Variants in UNC5D observed in about 807,000 individuals in gnomAD.
The protein encoded by UNC5D is unc-5 netrin receptor D, also known as netrin receptor UNC5D.
In UNC5D, 39 loss-of-function variants were observed where a neutral mutation model predicts 105.4. The observed-to-expected ratio is 0.37, with a 90% CI of 0.29 to 0.48. UNC5D has a LOEUF of 0.48. Among genes scored for constraint, UNC5D ranks in the 20% least tolerant of loss-of-function variants. The pLI, the probability that UNC5D is intolerant of heterozygous loss-of-function variation, is 0.98. For missense variants in UNC5D, 991 were observed against 1,202.4 expected, an observed-to-expected ratio of 0.82 and a Z score of 2.60; for synonymous variants, 452 against 450.4, an observed-to-expected ratio of 1.00 and a Z score of -0.04.
intron 11 of UNC5D, among the ~76,000 whole-genome samples, chr8:35,739,399 G>C (rs987263781): frequency 2.0e-5 from 3 of 152,094 alleles, no homozygotes; most frequent in African/African-American, 7.2e-5. Flanking sequence ...TTTTTGGAAA[G>C]AAGCATTTCT....
At chr8:35,309,185 TG>T (rs1457181207) in intron 1 of UNC5D, among the ~76,000 whole-genome samples, 3 of 152,150 alleles carry the variant, frequency 2.0e-5, no homozygotes, top group Non-Finnish European at 4.4e-5. Context: ...CACCAAGCAA[TG>T]ATGATGCCTA....
chr8:35,621,113 C>T (rs1205515328), intron 4 of UNC5D, among the ~76,000 whole-genome samples: 1 of 152,204 alleles, frequency 6.6e-6, no homozygotes, highest in Non-Finnish European at 1.5e-5. Flanking sequence ...GCAGGCATTG[C>T]CAAATGTTAT....
intron 1 of UNC5D, among the ~76,000 whole-genome samples, chr8:35,357,129 T>C (rs1585658012): frequency 6.6e-6 from 1 of 152,160 alleles, no homozygotes; most frequent in East Asian, 1.9e-4. Context: ...TTGATTTCCC[T>C]GTTAACCAGT....
At chr8:35,706,868 A>G (rs1827615846) in intron 8 of UNC5D, among the ~76,000 whole-genome samples, 1 of 152,140 alleles carries the variant, frequency 6.6e-6, no homozygotes, top group East Asian at 1.9e-4. Context: ...CTAAGAATCT[A>G]TGTGTTAATA....
chr8:35,389,311 C>T (rs1009016865), intron 1 of UNC5D, among the ~76,000 whole-genome samples: 5 of 152,104 alleles, frequency 3.3e-5, no homozygotes, highest in African/African-American at 1.2e-4. Flanking sequence ...GGTCATTGCA[C>T]TCATATTTTA....
chr8:35,639,425 G>A (rs1822573800), intron 4 of UNC5D, among the ~76,000 whole-genome samples: 1 of 152,170 alleles, frequency 6.6e-6, no homozygotes, highest in African/African-American at 2.4e-5. Flanking sequence ...AGTAATCATA[G>A]CATATTGCTT....
At chr8:35,746,190 G>A (rs1829998212) in intron 11 of UNC5D, among the ~76,000 whole-genome samples, 1 of 152,178 alleles carries the variant, frequency 6.6e-6, no homozygotes, top group African/African-American at 2.4e-5. Flanking sequence ...GCAAGAGCCT[G>A]TGAGTGAGAA....
chr8:35,654,991 A>G (rs2131199649), intron 4 of UNC5D, among the ~76,000 whole-genome samples: 1 of 152,296 alleles, frequency 6.6e-6, no homozygotes, highest in East Asian at 1.9e-4. Flanking sequence ...GACAGATGAA[A>G]CTACAGAATG....
chr8:35,630,097 G>A (rs879917907), intron 4 of UNC5D, among the ~76,000 whole-genome samples: 7 of 152,156 alleles, frequency 4.6e-5, no homozygotes, highest in Non-Finnish European at 7.3e-5. Context: ...TGTCTGGACT[G>A]AAATTACTTA....
At chr8:35,249,866 G>T (rs1803572782) in intron 1 of UNC5D, among the ~76,000 whole-genome samples, 1 of 151,882 alleles carries the variant, frequency 6.6e-6, no homozygotes, top group African/African-American at 2.4e-5. Context: ...GAAGTGTCTT[G>T]CTGCTAGAAA....
chr8:35,447,650 C>T (rs553016074), intron 1 of UNC5D, among the ~76,000 whole-genome samples: 4 of 152,148 alleles, frequency 2.6e-5, no homozygotes, highest in South Asian at 2.1e-4. Context: ...ATTGTGTCCC[C>T]GCATATCCCA....
Position 35,792,954 on chromosome 8 carries a change from G to T in UNC5D, c.*2391G>T. 1 of 451,854 alleles carries T rather than the reference G, an allele frequency of 2.2e-6. No individual in the cohort carries two copies. The highest frequency in any genetic ancestry group is 4.4e-6 in the Non-Finnish European group (1 of 225,754). The allele number at this position is 451,854 out of a possible 1,614,324, so 28.0% of individuals were successfully genotyped here. A position where few individuals can be genotyped will look rare whatever the true frequency, so the allele number is the denominator to read the frequency against. ...TATTGTCAATCCCTGAATGTCTGGA[G>T]TTACCTCCCATGGATTTTTTTTTCC... On this transcript the variant is annotated 3_prime_UTR_variant, in exon 17 of 17. Coordinates refer to ENST00000404895, the MANE Select transcript of UNC5D (RefSeq NM_080872.4).
At chr8:35,681,590 A>C (rs888809756) in intron 4 of UNC5D, among the ~76,000 whole-genome samples, 1 of 152,238 alleles carries the variant, frequency 6.6e-6, no homozygotes, top group African/African-American at 2.4e-5. Context: ...TAAACAGAGC[A>C]GCGCTTTTTG....
At chr8:35,599,723 C>A (rs1819722992) in intron 4 of UNC5D, among the ~76,000 whole-genome samples, 1 of 152,080 alleles carries the variant, frequency 6.6e-6, no homozygotes, top group South Asian at 2.1e-4. Context: ...TTCCTACCTG[C>A]TTTTTTTCCA....
At chr8:35,339,425 C>T (rs954440647) in intron 1 of UNC5D, among the ~76,000 whole-genome samples, 14 of 152,144 alleles carry the variant, frequency 9.2e-5, no homozygotes, top group Admixed American at 3.3e-4. Context: ...CATTTATTTC[C>T]TTTCCATCTG....
intron 1 of UNC5D, among the ~76,000 whole-genome samples, chr8:35,454,194 T>A (rs937886672): frequency 5.9e-5 from 9 of 152,056 alleles, no homozygotes; most frequent in Middle Eastern, 3.2e-3. Context: ...ATAGTTGCAA[T>A]AAGGGTTCTC....
At chr8:35,571,917 A>C (rs565937989) in intron 3 of UNC5D, among the ~76,000 whole-genome samples, 1 of 152,154 alleles carries the variant, frequency 6.6e-6, no homozygotes, top group Non-Finnish European at 1.5e-5. Context: ...TTGTTCATTA[A>C]ATTGTTGGAG....
chr8:35,780,654 G>A (rs1274127931), intron 16 of UNC5D, among the ~76,000 whole-genome samples: 1 of 152,206 alleles, frequency 6.6e-6, no homozygotes, highest in Non-Finnish European at 1.5e-5. Context: ...ACCACTAAGT[G>A]TGGTTACTTG....
intron 1 of UNC5D, among the ~76,000 whole-genome samples, chr8:35,491,354 T>C (rs955043975): frequency 6.6e-6 from 1 of 152,216 alleles, no homozygotes; most frequent in Non-Finnish European, 1.5e-5. Context: ...ATTAATGTAA[T>C]GATTTACATG....
Sources: allele counts gnomAD v4.1 joint callset (sites outside exome capture counted in the v4.1 genomes callset), GRCh38; gene constraint gnomAD v4.1.1; transcripts MANE v1.5; gene names NCBI Gene and HGNC (gene_info 2026-07-23, HGNC 2026-07-21).